LPCAT1: variants seen among roughly 807,000 people sequenced by gnomAD.
LPCAT1 encodes 1-acylglycerol-3-phosphate O-acyltransferase.
In LPCAT1, 23 loss-of-function variants were observed where a neutral mutation model predicts 60.9. That is an observed-to-expected ratio of 0.38 (90% CI 0.27 to 0.53). The LOEUF is 0.53. Among genes scored for constraint, LPCAT1 ranks in the 20% least tolerant of loss-of-function variants. The probability of loss-of-function intolerance (pLI) is 0.82; values close to 1 mark genes in which losing one functional copy is unlikely to be tolerated. For missense variants in LPCAT1, 622 were observed against 723.6 expected (o/e 0.86, Z 1.61); for synonymous variants, 340 against 301.1 (o/e 1.13, Z -1.34).
chr5:1,490,137 G>A (rs1735520130), intron 3 of LPCAT1, among the ~76,000 whole-genome samples: 1 of 152,218 alleles, frequency 6.6e-6, no homozygotes, highest in South Asian at 2.1e-4. Flanking sequence ...ACAGAACGGA[G>A]GTCAATGAAA....
chr5:1,508,168 C>G (rs1736243604), intron 1 of LPCAT1, among the ~76,000 whole-genome samples: 2 of 152,170 alleles, frequency 1.3e-5, no homozygotes, highest in African/African-American at 4.8e-5. Flanking sequence ...TCCTTTGTGA[C>G]AGCAGCCGCG....
Position 1,509,058 on chromosome 5 carries a change from A to G in LPCAT1, c.136-7455T>C, listed in dbSNP as rs373211671. 5.9e-5 allele frequency among the ~76,000 whole-genome samples: 9 copies of G among 152,356 alleles called. No homozygotes were observed. The East Asian group carries it at 1.2e-3, about 20-fold the overall frequency. Reference sequence around the variant, plus strand: ...GGGATGCTGCGGCCCCTCCGAGCCCACTTGTTGGAGATGTCACACTGCAGT... The same window carrying G: ...GGGATGCTGCGGCCCCTCCGAGCCCGCTTGTTGGAGATGTCACACTGCAGT... On this transcript the variant is annotated intron_variant, in intron 1 of 13. Coordinates refer to ENST00000283415, the MANE Select transcript of LPCAT1 (RefSeq NM_024830.5).
chr5:1,484,123 G>T (rs1235167106), intron 5 of LPCAT1, among the ~76,000 whole-genome samples: 1 of 152,248 alleles, frequency 6.6e-6, no homozygotes, highest in Non-Finnish European at 1.5e-5. Flanking sequence ...GCTGCAGCAG[G>T]ACTTGCCCGG....
At position 1,476,243 on chromosome 5, in the gene LPCAT1, A is replaced by G. The variant is rs13153292; in HGVS notation, c.899+1161T>C. ...TCCGGAGCACAGGTGCTGGGCTTGG[A>G]GGTGGGAATGCATTCCCCTGGCTCG... is the stretch of plus-strand genomic sequence containing the variant. On this transcript the variant is annotated intron_variant, in intron 9 of 13. Coordinates refer to ENST00000283415, the MANE Select transcript of LPCAT1 (RefSeq NM_024830.5). The surrounding 1 kb of genome is among the most constrained non-coding windows in gnomAD (Gnocchi z 8.6). 6.6e-6 allele frequency among the ~76,000 whole-genome samples: 1 copy of G among 152,060 alleles called. No individual in the cohort carries two copies. Among genetic ancestry groups the G allele is most frequent in the Non-Finnish European group, 1.5e-5 (1 of 68,012 alleles).
intron 11 of LPCAT1, among the ~76,000 whole-genome samples, chr5:1,473,590 C>T (rs958789294): frequency 3.3e-5 from 5 of 152,286 alleles, no homozygotes; most frequent in Middle Eastern, 3.4e-3. Context: ...AGAGGACGGG[C>T]GTGTTATTAG....
chr5:1,523,311 C>T lies in LPCAT1; in HGVS notation c.135+399G>A, dbSNP rs1029981523. ...AGGCGGGCGGGGCCCGGACCAGGGACGAGCGCGGGGACCGGCGATGCGGGT... is the reference window on the plus strand; with the variant it reads ...AGGCGGGCGGGGCCCGGACCAGGGATGAGCGCGGGGACCGGCGATGCGGGT... On this transcript the variant is annotated intron_variant, in intron 1 of 13. Coordinates refer to ENST00000283415, the MANE Select transcript of LPCAT1 (RefSeq NM_024830.5). The surrounding 1 kb of genome is among the most constrained non-coding windows in gnomAD (Gnocchi z 7.1). 6.6e-6 allele frequency among the ~76,000 whole-genome samples: 1 copy of T among 151,884 alleles called. No individual in the cohort carries two copies. Among genetic ancestry groups the T allele is most frequent in the African/African-American group, 2.4e-5 (1 of 41,404 alleles).
intron 3 of LPCAT1, among the ~76,000 whole-genome samples, chr5:1,490,267 A>G (rs1007417486): frequency 2.6e-5 from 4 of 152,172 alleles, no homozygotes; most frequent in African/African-American, 9.7e-5. Flanking sequence ...CATCCCCTAA[A>G]AGACAAGCTG....
At chr5:1,467,761 C>T (rs1182035978) in intron 12 of LPCAT1, among the ~76,000 whole-genome samples, 4 of 151,726 alleles carry the variant, frequency 2.6e-5, no homozygotes, top group Admixed American at 1.3e-4. Flanking sequence ...CCTCTGAGGT[C>T]CCGACGCCGC....
At chr5:1,465,624 AAAC>A (rs1187103275) in intron 13 of LPCAT1, among the ~76,000 whole-genome samples, 9 of 151,850 alleles carry the variant, frequency 5.9e-5, no homozygotes, top group Non-Finnish European at 1.0e-4. Context: ...CACACACACA[AAAC>A]AAGCACAAGA....
At chr5:1,518,481 C>T (rs1166970153) in intron 1 of LPCAT1, among the ~76,000 whole-genome samples, 1 of 152,226 alleles carries the variant, frequency 6.6e-6, no homozygotes, top group Non-Finnish European at 1.5e-5. Flanking sequence ...GCTGGGACTG[C>T]AGGCACCTGC....
At chr5:1,492,544 C>T (rs1579789591) in intron 3 of LPCAT1, among the ~76,000 whole-genome samples, 1 of 151,856 alleles carries the variant, frequency 6.6e-6, no homozygotes. Context: ...TTCTGATAAG[C>T]TTGTCACTAT....
chr5:1,465,038 A>ACT (rs759015109), intron 13 of LPCAT1, among the ~76,000 whole-genome samples: 149 of 141,316 alleles, frequency 1.1e-3, no homozygotes, highest in South Asian at 2.8e-3. Flanking sequence ...AGGCACACTA[A>ACT]ACACACATGC....
intron 1 of LPCAT1, among the ~76,000 whole-genome samples, chr5:1,506,701 T>C (rs866103130): frequency 6.6e-6 from 1 of 152,138 alleles, no homozygotes; most frequent in African/African-American, 2.4e-5. Context: ...CCCAGAACAA[T>C]GGCCTTCTAA....
rs1317971690 is a variant in LPCAT1 at position 1,487,969 on chromosome 5, G to A, written c.667+422C>T. On this transcript the variant is annotated intron_variant, in intron 5 of 13. Transcript: ENST00000283415. The surrounding 1 kb of genome is among the most constrained non-coding windows in gnomAD (Gnocchi z 6.1). ...CAGGGAGAAAGAACACTGTCTAACT[G>A]GGGACCTGGGGACCTGGGCATCTGA... is the stretch of plus-strand genomic sequence containing the variant. 6.6e-6 allele frequency among the ~76,000 whole-genome samples: 1 copy of A among 152,148 alleles called. No individual in the cohort carries two copies. Among genetic ancestry groups the A allele is most frequent in the Non-Finnish European group, 1.5e-5 (1 of 68,028 alleles).
intron 2 of LPCAT1, among the ~76,000 whole-genome samples, chr5:1,497,501 GC>G (rs1414280394): frequency 1.4e-4 from 22 of 152,384 alleles, no homozygotes; most frequent in Admixed American, 1.3e-3. Context: ...ACGGTGCCAG[GC>G]CGGTGGGGTA....
intron 1 of LPCAT1, among the ~76,000 whole-genome samples, chr5:1,505,833 T>C (rs1162888710): frequency 6.6e-6 from 1 of 152,160 alleles, no homozygotes; most frequent in Non-Finnish European, 1.5e-5. Flanking sequence ...GGGAGGACTG[T>C]GTGAACAAGC....
Position 1,464,887 on chromosome 5 carries a change from G to A in LPCAT1, c.1421-1052C>T, listed in dbSNP as rs563335573. On this transcript the variant is annotated intron_variant, in intron 13 of 13. Coordinates refer to ENST00000283415, the MANE Select transcript of LPCAT1 (RefSeq NM_024830.5). ...AACACATGCGTGTACACACAAACAA[G>A]TGCACACACACACTAACTAAACACA... 3.9e-5 allele frequency among the ~76,000 whole-genome samples: 5 copies of A among 129,350 alleles called. No homozygotes were observed. The South Asian group carries it at 1.1e-3, about 28-fold the overall frequency. The allele number at this position is 129,350 out of a possible 152,430, so 84.9% of individuals were successfully genotyped here.
rs560227128 is a variant in LPCAT1, at chr5:1,503,095, TG to T, written c.136-1493del. 7.2e-5 allele frequency among the ~76,000 whole-genome samples: 11 copies of T among 152,296 alleles called. No individual in the cohort carries two copies. In the East Asian group the frequency reaches 1.9e-3, roughly 27 times the overall value. ...GTGTCTCCACCCTGTCAGTGCCCAG[TG>T]GTCAGGTCAGCCTGTTGGGTACGCA... On this transcript the variant is annotated intron_variant, in intron 1 of 13. Transcript: ENST00000283415.
At chr5:1,512,786 C>T (rs1317720874) in intron 1 of LPCAT1, among the ~76,000 whole-genome samples, 4 of 152,242 alleles carry the variant, frequency 2.6e-5, no homozygotes, top group African/African-American at 7.2e-5. Context: ...TGGAAAGTAA[C>T]CAGTAAAAAG....
Sources: allele counts gnomAD v4.1 joint callset (sites outside exome capture counted in the v4.1 genomes callset), GRCh38; gene constraint gnomAD v4.1.1; non-coding constraint Gnocchi (gnomAD v3.1); transcripts MANE v1.5; gene names NCBI Gene and HGNC (gene_info 2026-07-23, HGNC 2026-07-21).